ANO3: variants seen among roughly 807,000 people sequenced by gnomAD.
ANO3 encodes the protein anoctamin-3.
Under a neutral mutation model 144.8 loss-of-function variants are expected in ANO3, and 99 were observed. That is an observed-to-expected ratio of 0.68 (90% CI 0.58 to 0.81). The LOEUF (loss-of-function observed/expected upper bound fraction) is 0.81. Ranked by LOEUF, ANO3 falls within the 30% of genes least tolerant of loss-of-function variation. The pLI is 0.00. For missense variants in ANO3, 905 were observed against 1,202.2 expected (o/e 0.75, Z 3.66); for synonymous variants, 414 against 392.6 (o/e 1.05, Z -0.64).
intron 1 of ANO3, among the ~76,000 whole-genome samples, chr11:26,234,206 T>C (rs1564927823): frequency 6.6e-6 from 1 of 152,228 alleles, no homozygotes; most frequent in African/African-American, 2.4e-5. Context: ...CATTGCGTTT[T>C]CCTTCAGAGA....
intron 1 of ANO3, among the ~76,000 whole-genome samples, chr11:26,284,288 T>G (rs1474692551): frequency 6.6e-6 from 1 of 152,162 alleles, no homozygotes; most frequent in Non-Finnish European, 1.5e-5. Context: ...GGCCAGATGA[T>G]TAAGTGCCGA....
chr11:26,463,978 A>G (rs184823147), intron 4 of ANO3, among the ~76,000 whole-genome samples: 31 of 151,946 alleles, frequency 2.0e-4, no homozygotes, highest in Admixed American at 1.1e-3. Flanking sequence ...GTGCAGTTTA[A>G]CACAAGGAAT....
upstream of ANO3, among the ~76,000 whole-genome samples, chr11:26,330,809 G>A (rs1158362011): frequency 6.6e-6 from 1 of 152,180 alleles, no homozygotes; most frequent in Non-Finnish European, 1.5e-5. Flanking sequence ...GAATCAAACA[G>A]CATACAATAA....
chr11:26,332,107 C>A, upstream of ANO3: 2 of 1,485,508 alleles, frequency 1.3e-6, no homozygotes, highest in East Asian at 4.9e-5. Flanking sequence ...CCCATGACAA[C>A]GACACCGGCG....
chr11:26,384,575 C>A (rs9943570), intron 1 of ANO3, among the ~76,000 whole-genome samples: 40,593 of 151,938 alleles, frequency 0.27, 6,094 homozygotes, highest in African/African-American at 0.41. Flanking sequence ...TCCTTGATTC[C>A]TTCTTTTTCC....
chr11:26,456,969 G>C (rs988230939), intron 3 of ANO3, among the ~76,000 whole-genome samples: 3 of 150,322 alleles, frequency 2.0e-5, no homozygotes, highest in African/African-American at 7.4e-5. Flanking sequence ...GTAAACTATC[G>C]CAACAACAAA....
intron 14 of ANO3, among the ~76,000 whole-genome samples, chr11:26,588,645 C>T (rs1260660496): frequency 6.6e-6 from 1 of 152,162 alleles, no homozygotes; most frequent in Non-Finnish European, 1.5e-5. Context: ...ATGTGACAGA[C>T]ACATTTAAAC....
At chr11:26,576,689 A>C (rs1224540918) in intron 14 of ANO3, among the ~76,000 whole-genome samples, 1 of 152,102 alleles carries the variant, frequency 6.6e-6, no homozygotes, top group East Asian at 1.9e-4. Context: ...GCCATCTAAC[A>C]TACTGTATAT....
intron 1 of ANO3, among the ~76,000 whole-genome samples, chr11:26,253,847 C>T (rs1403140040): frequency 6.6e-6 from 1 of 152,096 alleles, no homozygotes; most frequent in Non-Finnish European, 1.5e-5. Flanking sequence ...CATGCTACTC[C>T]TTAATTTTTA....
In ANO3 at chr11:26,427,221, A is replaced by ATTG. The variant is rs1325432540; in HGVS notation, c.47-14697_47-14696insTTG. 1.6e-5 allele frequency: 3 copies of ATTG among 187,194 alleles called. No homozygotes were observed. In the East Asian group the frequency reaches 3.8e-4, roughly 24 times the overall value. The allele number at this position is 187,194 out of a possible 1,614,324, so 11.6% of individuals were successfully genotyped here. ...TGCACATCTCCAAACAACAAGTTCAAGATCAGCATGAAATTGGAAATCCAG... is the reference window on the plus strand; with the variant it reads ...TGCACATCTCCAAACAACAAGTTCAATTGGATCAGCATGAAATTGGAAATCCAG... On this transcript the variant is annotated intron_variant, in intron 1 of 26. Coordinates refer to ENST00000256737, the MANE Select transcript of ANO3 (RefSeq NM_031418.4).
intron 1 of ANO3, among the ~76,000 whole-genome samples, chr11:26,416,646 C>T (rs545797338): frequency 2.0e-5 from 3 of 152,006 alleles, no homozygotes; most frequent in South Asian, 2.1e-4. Context: ...AGGATGGTCT[C>T]GATCTCCTGA....
At chr11:26,254,632 C>T (rs528283987) in intron 1 of ANO3, among the ~76,000 whole-genome samples, 1 of 152,252 alleles carries the variant, frequency 6.6e-6, no homozygotes, top group South Asian at 2.1e-4. Flanking sequence ...AAACAACACT[C>T]TGTTTACCCT....
chr11:26,196,858 A>G (rs994820295), intron 1 of ANO3, among the ~76,000 whole-genome samples: 1 of 152,240 alleles, frequency 6.6e-6, no homozygotes, highest in Non-Finnish European at 1.5e-5. Flanking sequence ...CACTATTTGT[A>G]AGTCAACAGT....
chr11:26,420,029 C>T (rs1485693936), intron 1 of ANO3, among the ~76,000 whole-genome samples: 1 of 151,996 alleles, frequency 6.6e-6, no homozygotes, highest in Admixed American at 6.6e-5. Flanking sequence ...GACTTTCTTT[C>T]TTTTGGTATT....
intron 20 of ANO3, among the ~76,000 whole-genome samples, chr11:26,638,600 C>T (rs560626936): frequency 3.3e-5 from 5 of 152,262 alleles, no homozygotes; most frequent in East Asian, 1.9e-4. Context: ...GAGAGCTTTG[C>T]GTTTAGCTAA....
intron 1 of ANO3, among the ~76,000 whole-genome samples, chr11:26,269,521 G>A (rs1320128884): frequency 6.6e-6 from 1 of 152,184 alleles, no homozygotes; most frequent in Non-Finnish European, 1.5e-5. Context: ...GAATGGGGGA[G>A]CCAGTGCTTC....
At chr11:26,397,958 T>C (rs1857058536) in intron 1 of ANO3, among the ~76,000 whole-genome samples, 1 of 151,658 alleles carries the variant, frequency 6.6e-6, no homozygotes, top group African/African-American at 2.4e-5. Flanking sequence ...AGCTCCCAAA[T>C]GGTGAAGAAA....
At chr11:26,282,483 T>C (rs1306469110) in intron 1 of ANO3, among the ~76,000 whole-genome samples, 1 of 152,138 alleles carries the variant, frequency 6.6e-6, no homozygotes, top group Non-Finnish European at 1.5e-5. Context: ...TCCAATATTT[T>C]CTTTTATTCC....
chr11:26,656,305 C>T, intron 25 of ANO3, 71 bp from the exon 26 acceptor site: 1 of 1,488,810 alleles, frequency 6.7e-7, no homozygotes, highest in Non-Finnish European at 9.3e-7. Flanking sequence ...GGCATTTTGG[C>T]AAATCAAGAA....
Sources: gnomAD v4.1 joint callset for allele counts (sites outside exome capture counted in the v4.1 genomes callset) on GRCh38, gnomAD v4.1.1 for gene constraint, MANE v1.5 for transcripts, NCBI Gene and HGNC (gene_info 2026-07-23, HGNC 2026-07-21) for gene names.